Variants in CNTN5 observed in about 807,000 individuals in gnomAD.
The protein encoded by CNTN5 is contactin-5.
In CNTN5, 77 loss-of-function variants were observed where a neutral mutation model predicts 129.1. That is an observed-to-expected ratio of 0.60 (90% CI 0.50 to 0.72). The LOEUF is 0.72. CNTN5 is among the 30% of genes least tolerant of loss of function. The pLI is 0.00. For synonymous variants in CNTN5, 509 were observed against 465.6 expected, an observed-to-expected ratio of 1.09 and a Z score of -1.20; for missense variants, 1,478 against 1,328.8, an observed-to-expected ratio of 1.11 and a Z score of -1.75.
intron 1 of CNTN5, among the ~76,000 whole-genome samples, chr11:99,284,644 TGTGTGTGTGTGTGTGTG>T (rs1863852620): frequency 1.4e-5 from 2 of 142,370 alleles, no homozygotes; most frequent in African/African-American, 5.6e-5. Flanking sequence ...TGTGTGTGTG[TGTGTGTGTGTGTGTGTG>T]GTGTGTGTAT....
At chr11:100,107,047 A>G (rs1945464715) in intron 13 of CNTN5, among the ~76,000 whole-genome samples, 2 of 152,160 alleles carry the variant, frequency 1.3e-5, no homozygotes, top group African/African-American at 4.8e-5. Flanking sequence ...AAGTTCAAAA[A>G]ATAATTAACT....
intron 2 of CNTN5, among the ~76,000 whole-genome samples, chr11:99,516,652 T>C (rs1323988769): frequency 6.6e-6 from 1 of 152,024 alleles, no homozygotes; most frequent in African/African-American, 2.4e-5. Flanking sequence ...TTGATATAGT[T>C]GTTAGGAAAA....
At chr11:99,276,673 G>A (rs1863449913) in intron 1 of CNTN5, among the ~76,000 whole-genome samples, 1 of 151,380 alleles carries the variant, frequency 6.6e-6, no homozygotes, top group South Asian at 2.1e-4. Context: ...AACAGGAATT[G>A]TAGTAGTGGT....
intron 1 of CNTN5, among the ~76,000 whole-genome samples, chr11:99,064,939 A>T (rs1023342508): frequency 8.5e-5 from 13 of 152,150 alleles, no homozygotes; most frequent in African/African-American, 2.4e-4. Context: ...TAGTAATATT[A>T]AAATGTATAT....
At chr11:99,070,979 C>T (rs560436022) in intron 1 of CNTN5, among the ~76,000 whole-genome samples, 11 of 152,248 alleles carry the variant, frequency 7.2e-5, no homozygotes, top group Admixed American at 5.2e-4. Flanking sequence ...CTCAATAAGT[C>T]TGTGACCGGT....
At chr11:99,608,838 A>G (rs981491359) in intron 3 of CNTN5, among the ~76,000 whole-genome samples, 3 of 152,210 alleles carry the variant, frequency 2.0e-5, no homozygotes, top group Admixed American at 6.6e-5. Context: ...ATGTGTGTCT[A>G]TATGAGTTCT....
At chr11:99,401,064 T>A (rs758320138) in intron 2 of CNTN5, among the ~76,000 whole-genome samples, 1 of 152,186 alleles carries the variant, frequency 6.6e-6, no homozygotes, top group African/African-American at 2.4e-5. Context: ...TCCTTTACCT[T>A]GCAGGAGCTT....
chr11:99,566,849 G>A (rs1206566202), intron 3 of CNTN5, among the ~76,000 whole-genome samples: 1 of 152,120 alleles, frequency 6.6e-6, no homozygotes, highest in Non-Finnish European at 1.5e-5. Flanking sequence ...CTATCCTTTG[G>A]TTGGAGGTTT....
At chr11:99,979,220 G>A (rs1214400135) in intron 8 of CNTN5, among the ~76,000 whole-genome samples, 2 of 152,148 alleles carry the variant, frequency 1.3e-5, no homozygotes, top group Non-Finnish European at 2.9e-5. Context: ...AGATAGACAA[G>A]TTAATGATCC....
rs1165877073 is a variant in CNTN5, at chr11:99,662,087, A to G, written c.55+105818A>G. Among the ~76,000 whole-genome samples the G allele has an allele frequency of 2.0e-5, 3 of 152,140 alleles. No individual in the cohort carries two copies. In the East Asian group the frequency reaches 5.8e-4, roughly 29 times the overall value. On this transcript the variant is annotated intron_variant, in intron 3 of 24. Coordinates refer to ENST00000524871, the MANE Select transcript of CNTN5 (RefSeq NM_014361.4). ...TATCTAGTTCAAATTGTAGGTGAAA[A>G]ATCTGAATTTACATAAACATTTTTT...
intron 6 of CNTN5, among the ~76,000 whole-genome samples, chr11:99,904,257 C>G (rs1214496321): frequency 6.6e-6 from 1 of 152,174 alleles, no homozygotes; most frequent in African/African-American, 2.4e-5. Context: ...TTAGGTATTT[C>G]TCCTAATGCT....
intron 3 of CNTN5, among the ~76,000 whole-genome samples, chr11:99,622,084 C>G (rs1409990078): frequency 6.6e-6 from 1 of 152,188 alleles, no homozygotes; most frequent in Non-Finnish European, 1.5e-5. Flanking sequence ...CATACCAAGG[C>G]AGCCATTGAG....
At chr11:100,344,507 G>T (rs1408457119) in intron 23 of CNTN5, among the ~76,000 whole-genome samples, 4 of 152,002 alleles carry the variant, frequency 2.6e-5, no homozygotes, top group African/African-American at 9.7e-5. Context: ...GGAGAGTGAG[G>T]AACAAAGAGA....
rs114505285 is a variant in CNTN5 at position 99,258,699 on chromosome 11, A to G, written c.-209-66647A>G. Among the ~76,000 whole-genome samples the G allele has an allele frequency of 6.3e-3, 960 of 152,002 alleles. 9 individuals are homozygous for G. Among genetic ancestry groups the G allele is most frequent in the African/African-American group, 0.02 (845 of 41,516 alleles). On this transcript the variant is annotated intron_variant, in intron 1 of 24. Coordinates refer to ENST00000524871, the MANE Select transcript of CNTN5 (RefSeq NM_014361.4). ...TCAAATATGTCAAATTATACGTTGTATCTAGGTTTTTTCTTATTTATGCAT... is the reference window on the plus strand; with the variant it reads ...TCAAATATGTCAAATTATACGTTGTGTCTAGGTTTTTTCTTATTTATGCAT...
At chr11:100,352,340 C>T (rs1952435970) in intron 24 of CNTN5, among the ~76,000 whole-genome samples, 1 of 151,706 alleles carries the variant, frequency 6.6e-6, no homozygotes, top group Non-Finnish European at 1.5e-5. Context: ...TTAGATATTA[C>T]ATCAACATTC....
chr11:99,117,453 T>C (rs1858096981), intron 1 of CNTN5, among the ~76,000 whole-genome samples: 1 of 152,164 alleles, frequency 6.6e-6, no homozygotes, highest in South Asian at 2.1e-4. Context: ...ATAATTTTAA[T>C]TATATACTAC....
chr11:99,861,147 C>G (rs977321424), intron 6 of CNTN5, among the ~76,000 whole-genome samples: 7 of 151,860 alleles, frequency 4.6e-5, no homozygotes, highest in Non-Finnish European at 8.8e-5. Flanking sequence ...TTAGTACAGA[C>G]AGGGTTCCAC....
intron 13 of CNTN5, among the ~76,000 whole-genome samples, chr11:100,091,170 A>C (rs1944766632): frequency 6.6e-6 from 1 of 152,018 alleles, no homozygotes; most frequent in Admixed American, 6.6e-5. Flanking sequence ...CGGTGCATGC[A>C]GTAGATTTAT....
intron 9 of CNTN5, among the ~76,000 whole-genome samples, chr11:100,019,547 A>G (rs1005900645): frequency 6.6e-6 from 1 of 151,940 alleles, no homozygotes; most frequent in African/African-American, 2.4e-5. Flanking sequence ...AGGGTGAATA[A>G]TATTCCATTA....
Sources: allele counts gnomAD v4.1 joint callset (sites outside exome capture counted in the v4.1 genomes callset), GRCh38; gene constraint gnomAD v4.1.1; transcripts MANE v1.5; gene names NCBI Gene and HGNC (gene_info 2026-07-23, HGNC 2026-07-21).